Variants in ALPK2 observed in about 807,000 individuals in gnomAD.
ALPK2 encodes alpha-protein kinase 2.
In ALPK2, 127 loss-of-function variants were observed where a neutral mutation model predicts 163.1. The ratio of observed to expected loss-of-function variants is 0.78; its 90% confidence interval spans 0.67 to 0.90. The LOEUF is 0.90. Ranked by LOEUF, ALPK2 falls within the 40% of genes least tolerant of loss-of-function variation. The pLI is 0.00. For synonymous variants in ALPK2, 953 were observed against 959.1 expected (o/e 0.99, Z 0.12); for missense variants, 2,360 against 2,589.6 (o/e 0.91, Z 1.92).
At chr18:58,512,590 G>A (rs1602194062) in intron 10 of ALPK2, among the ~76,000 whole-genome samples, 2 of 152,106 alleles carry the variant, frequency 1.3e-5, no homozygotes, top group Non-Finnish European at 1.5e-5. Context: ...GTGTGCGTGT[G>A]TTGTGTGTAT....
intron 3 of ALPK2, among the ~76,000 whole-genome samples, chr18:58,599,396 C>A (rs2052057643): frequency 6.6e-6 from 1 of 152,226 alleles, no homozygotes; most frequent in South Asian, 2.1e-4. Context: ...GTGTCAGGAA[C>A]ACAGACACCT....
intron 10 of ALPK2, among the ~76,000 whole-genome samples, chr18:58,511,398 C>T (rs1041507496): frequency 1.3e-5 from 2 of 152,176 alleles, no homozygotes; most frequent in African/African-American, 4.8e-5. Flanking sequence ...TCTGTCTGTA[C>T]AGCGGACAAG....
intron 4 of ALPK2, among the ~76,000 whole-genome samples, chr18:58,561,746 A>T (rs1001962777): frequency 6.6e-6 from 1 of 152,178 alleles, no homozygotes; most frequent in Admixed American, 6.6e-5. Flanking sequence ...CCATTGGTGG[A>T]GGACTTTCCT....
At chr18:58,627,286 G>C (rs1278162924) in intron 1 of ALPK2, among the ~76,000 whole-genome samples, 1 of 152,148 alleles carries the variant, frequency 6.6e-6, no homozygotes, top group Non-Finnish European at 1.5e-5. Flanking sequence ...CTACCTAAAA[G>C]CTTCCCAAAA....
chr18:58,574,214 C>CG (rs1303987427), intron 4 of ALPK2, among the ~76,000 whole-genome samples: 3 of 151,124 alleles, frequency 2.0e-5, no homozygotes, highest in Admixed American at 6.6e-5. Context: ...GAGGCTGAGG[C>CG]GGGGCGGATC....
chr18:58,512,765 T>TGTG lies in ALPK2; in HGVS notation c.6029+2227_6029+2228insCAC, dbSNP rs1568070720. 6.0e-5 allele frequency among the ~76,000 whole-genome samples: 9 copies of TGTG among 149,488 alleles called. No homozygotes were observed. The Admixed American group carries it at 6.0e-4, about 10-fold the overall frequency. ...ATGTGGTGTGTGTTGTGTGTATGTG[T>TGTG]ATGTGTGTGGTGTGTGTGGTGTGTG... On this transcript the variant is annotated intron_variant, in intron 10 of 12. Coordinates refer to ENST00000361673, the MANE Select transcript of ALPK2 (RefSeq NM_052947.4).
At chr18:58,568,898 A>G (rs903473310) in intron 4 of ALPK2, among the ~76,000 whole-genome samples, 1 of 152,170 alleles carries the variant, frequency 6.6e-6, no homozygotes, top group Non-Finnish European at 1.5e-5. Flanking sequence ...AATCCCCTAC[A>G]GATACCAAGA....
At chr18:58,528,991 C>T in intron 6 of ALPK2, 100 bp downstream of exon 6, 1 of 1,466,184 alleles carries the variant, frequency 6.8e-7, no homozygotes, top group Non-Finnish European at 9.4e-7. Context: ...TTCAATTTTC[C>T]TTTTCACGTC....
At chr18:58,592,189 A>C (rs891840808) in intron 3 of ALPK2, among the ~76,000 whole-genome samples, 2 of 152,212 alleles carry the variant, frequency 1.3e-5, no homozygotes, top group South Asian at 4.1e-4. Context: ...GCAACTATAC[A>C]TGCTTAGCAC....
chr18:58,540,961 A>C (rs1172229438), intron 4 of ALPK2, among the ~76,000 whole-genome samples: 1 of 152,250 alleles, frequency 6.6e-6, no homozygotes, highest in African/African-American at 2.4e-5. Flanking sequence ...TCTGAAGAGA[A>C]TTAAACACAG....
Position 58,536,301 on chromosome 18 carries a change from A to T in ALPK2, c.3886T>A (p.Leu1296Met), listed in dbSNP as rs575877149. Reference sequence around the variant, plus strand: ...TCAGCATCCTCTGGACTGTGAGCCAATGCTGCTATTTCAGAGGGGGCCAAT... The same window carrying T: ...TCAGCATCCTCTGGACTGTGAGCCATTGCTGCTATTTCAGAGGGGGCCAAT... The part of the protein sequence containing the change: ...PELAPSEIAA[L>M]AHSPEDAESA... Residue 1296 changes from leucine (L) to methionine (M), a missense_variant, in exon 5 of 13, where the codon TTG becomes ATG. Leu to Met is a conservative substitution (Grantham distance 15). Coordinates refer to ENST00000361673, the MANE Select transcript of ALPK2 (RefSeq NM_052947.4). The T allele has an allele frequency of 6.2e-7, 1 of 1,614,208 alleles. No homozygotes were observed. The highest frequency in any genetic ancestry group is 1.1e-5 in the South Asian group (1 of 91,086).
intron 5 of ALPK2, among the ~76,000 whole-genome samples, chr18:58,532,502 T>G (rs1189102385): frequency 6.6e-6 from 1 of 152,214 alleles, no homozygotes; most frequent in Non-Finnish European, 1.5e-5. Context: ...AGATGACTCC[T>G]ACCTTCTGGC....
At chr18:58,529,014 CTTT>C in intron 6 of ALPK2, 74 bp downstream of exon 6, 1 of 1,575,010 alleles carries the variant, frequency 6.3e-7, no homozygotes, top group Non-Finnish European at 8.7e-7. Context: ...ATAATTTATT[CTTT>C]TTTCTTTTTT....
intron 3 of ALPK2, among the ~76,000 whole-genome samples, chr18:58,589,654 C>A (rs537367008): frequency 2.0e-5 from 3 of 152,342 alleles, no homozygotes; most frequent in African/African-American, 7.2e-5. Context: ...CATCCTTATT[C>A]TCATGCTCAT....
intron 12 of ALPK2, among the ~76,000 whole-genome samples, chr18:58,484,696 A>C (rs2144093044): frequency 6.6e-6 from 1 of 152,292 alleles, no homozygotes; most frequent in Middle Eastern, 3.4e-3. Flanking sequence ...GTGAGACGAG[A>C]TCGCGCCACT....
chr18:58,481,939 G>C lies in ALPK2; in HGVS notation c.6397C>G (p.Leu2133Val). The C allele has an allele frequency of 6.2e-7, 1 of 1,614,160 alleles. No homozygotes were observed. The highest frequency in any genetic ancestry group is 8.5e-7 in the Non-Finnish European group (1 of 1,180,032). Reference protein sequence around the residue: ...KYCKMLGLKSLQNNNQKQKQP... With the variant: ...KYCKMLGLKSVQNNNQKQKQP... ...TTCTGTTTCTGGTTGTTGTTTTGAA[G>C]GGATTTCAGTCCCAGCATTTTGCAA... Residue 2133 changes from leucine (L) to valine (V), a missense_variant, in exon 13 of 13, where the codon CTT (leucine) becomes GTT (valine). By Grantham distance (32) the Leu-to-Val change is conservative (BLOSUM62 1). Transcript: ENST00000361673.
At chr18:58,495,107 C>T (rs2051394849) in intron 12 of ALPK2, among the ~76,000 whole-genome samples, 1 of 152,140 alleles carries the variant, frequency 6.6e-6, no homozygotes, top group Non-Finnish European at 1.5e-5. Flanking sequence ...CACTGGTTTC[C>T]ACTCCAGAGG....
chr18:58,535,208 C>G lies in ALPK2; in HGVS notation c.4979G>C (p.Arg1660Pro). 1 of 1,614,082 alleles carries G rather than the reference C, an allele frequency of 6.2e-7. No individual in the cohort carries two copies. The highest frequency in any genetic ancestry group is 8.5e-7 in the Non-Finnish European group (1 of 1,180,012). The change falls in exon 5 of 13, where the codon CGT becomes CCT. Residue 1660 changes from arginine to proline, a missense_variant. Transcript: ENST00000361673. ...TAATTTAGGGGCTTTCTCTAACTCA[C>G]GTTCTCCTGAAATAAATGCCAAGGT... Reference protein sequence around the residue: ...AKTLAFISGERELEKAPKLLQ... With the variant: ...AKTLAFISGEPELEKAPKLLQ...
intron 3 of ALPK2, among the ~76,000 whole-genome samples, chr18:58,598,691 A>G (rs181728551): frequency 6.6e-6 from 1 of 152,180 alleles, no homozygotes; most frequent in Admixed American, 6.5e-5. Context: ...ATAACTAGCC[A>G]TCTCCCCTTG....
Sources: gnomAD v4.1 joint callset for allele counts (sites outside exome capture counted in the v4.1 genomes callset) on GRCh38, gnomAD v4.1.1 for gene constraint, MANE v1.5 for transcripts, NCBI Gene and HGNC (gene_info 2026-07-23, HGNC 2026-07-21) for gene names.